The following ESYT2 variants were observed in gnomAD, a reference collection of about 807,000 sequenced individuals.
ESYT2 encodes extended synaptotagmin-2.
ESYT2 carries 54 observed loss-of-function variants against 107.2 expected under a neutral mutation model. The ratio of observed to expected loss-of-function variants is 0.50; its 90% CI spans 0.40 to 0.63. The LOEUF is 0.63. Among genes scored for constraint, ESYT2 ranks in the 30% least tolerant of loss-of-function variants. The pLI is 0.00. For synonymous variants in ESYT2, 491 were observed against 434.1 expected (o/e 1.13, Z -1.63); for missense variants, 1,020 against 1,094.5 (o/e 0.93, Z 0.96).
chr7:158,739,290 T>C (rs1162961026), intron 18 of ESYT2, among the ~76,000 whole-genome samples, 169 bp from the exon 19 acceptor site: 2 of 152,252 alleles, frequency 1.3e-5, no homozygotes, highest in Non-Finnish European at 2.9e-5. Flanking sequence ...GTCAAACAGA[T>C]GAATATTTTA....
chr7:158,746,782 C>T (rs1837415005), intron 16 of ESYT2, among the ~76,000 whole-genome samples: 1 of 152,148 alleles, frequency 6.6e-6, no homozygotes, highest in Non-Finnish European at 1.5e-5. Flanking sequence ...ACTGCAATCC[C>T]AGCACTTGGG....
rs115587051 is a variant in ESYT2, at chr7:158,808,328, G to A, written c.331-9256C>T. The stretch of plus-strand genomic sequence containing the variant: ...CACGAGCCCCGTCCGGCACGTTCGC[G>A]CCGAGCATGCTCCCGCCCACTCACC... On this transcript the variant is annotated intron_variant, in intron 1 of 22. Transcript: ENST00000275418. 4.1e-3 allele frequency among the ~76,000 whole-genome samples: 632 copies of A among 152,344 alleles called. 6 individuals are homozygous for A. Among genetic ancestry groups the A allele is most frequent in the African/African-American group, 0.014 (572 of 41,588 alleles).
intron 13 of ESYT2, among the ~76,000 whole-genome samples, chr7:158,753,465 T>C (rs1837649779): frequency 6.6e-6 from 1 of 152,166 alleles, no homozygotes; most frequent in Non-Finnish European, 1.5e-5. Context: ...TCCAATTCAT[T>C]AGTTTCTTGC....
intron 4 of ESYT2, among the ~76,000 whole-genome samples, chr7:158,789,213 A>G (rs1000462443): frequency 1.3e-5 from 2 of 152,204 alleles, no homozygotes; most frequent in African/African-American, 4.8e-5. Context: ...GTTTCTTCCA[A>G]TATTTATTGT....
chr7:158,822,357 C>G (rs1343884651), intron 1 of ESYT2, among the ~76,000 whole-genome samples: 1 of 152,182 alleles, frequency 6.6e-6, no homozygotes, highest in African/African-American at 2.4e-5. Flanking sequence ...TTTGGAATAA[C>G]TCACGGAAAA....
intron 4 of ESYT2, among the ~76,000 whole-genome samples, chr7:158,792,992 TCTC>T (rs1386460528): frequency 6.6e-6 from 1 of 151,986 alleles, no homozygotes; most frequent in Non-Finnish European, 1.5e-5. Context: ...ATGGTCCTGA[TCTC>T]CTGACCTCGT....
At chr7:158,771,884 C>G (rs112093215) in intron 7 of ESYT2, among the ~76,000 whole-genome samples, 2 of 152,020 alleles carry the variant, frequency 1.3e-5, no homozygotes, top group Non-Finnish European at 2.9e-5. Context: ...TTTGGGAGGC[C>G]GAGGCAGGCA....
chr7:158,798,386 A>G (rs1839533815), intron 2 of ESYT2, among the ~76,000 whole-genome samples: 1 of 152,076 alleles, frequency 6.6e-6, no homozygotes, highest in African/African-American at 2.4e-5. Flanking sequence ...ATAGTTCTTC[A>G]ATTGTAATCC....
At chr7:158,796,879 C>A (rs565558107) in intron 3 of ESYT2, among the ~76,000 whole-genome samples, 2 of 150,234 alleles carry the variant, frequency 1.3e-5, no homozygotes, top group Non-Finnish European at 3.0e-5. Flanking sequence ...GCACTGCAGG[C>A]GAGTGGGCAG....
At chr7:158,791,991 T>C (rs1839307365) in intron 4 of ESYT2, among the ~76,000 whole-genome samples, 1 of 133,132 alleles carries the variant, frequency 7.5e-6, no homozygotes, top group African/African-American at 3.0e-5. Flanking sequence ...TTCTCCTCCT[T>C]AGTTTATTCC....
intron 16 of ESYT2, among the ~76,000 whole-genome samples, chr7:158,747,033 CAG>C (rs1221868523): frequency 6.6e-6 from 1 of 150,778 alleles, no homozygotes; most frequent in African/African-American, 2.4e-5. Flanking sequence ...GCCTGGGTAA[CAG>C]AGTGAAACTC....
intron 6 of ESYT2, among the ~76,000 whole-genome samples, chr7:158,781,484 G>C (rs1459302484): frequency 6.7e-6 from 1 of 149,916 alleles, no homozygotes; most frequent in Non-Finnish European, 1.5e-5. Flanking sequence ...GTGTGAGTGT[G>C]AAACAAGTGA....
Position 158,811,535 on chromosome 7 carries a change from G to A in ESYT2, c.331-12463C>T, listed in dbSNP as rs1254692995. Among the ~76,000 whole-genome samples the A allele has an allele frequency of 3.9e-5, 6 of 152,118 alleles. No individual in the cohort carries two copies. In the East Asian group the frequency reaches 7.7e-4, roughly 20 times the overall value. ...GTGAGACCATAAAGATGAACCATGC[G>A]CGTTCACAGGAACACACAGGCGCAT... is the stretch of plus-strand genomic sequence containing the variant. On this transcript the variant is annotated intron_variant, in intron 1 of 22. Coordinates refer to ENST00000275418, the MANE Select transcript of ESYT2 (RefSeq NM_001367773.1).
intron 21 of ESYT2, among the ~76,000 whole-genome samples, chr7:158,734,948 T>TA (rs1464088461): frequency 6.6e-6 from 1 of 152,242 alleles, no homozygotes; most frequent in Non-Finnish European, 1.5e-5. Context: ...TGAGCACCTG[T>TA]AAGCTACATC....
In ESYT2 at chr7:158,749,775, G is replaced by A. The variant is rs768930692; in HGVS notation, c.1483-52C>T. Reference sequence around the variant, plus strand: ...AAAATAAATAAACACATTTTAAATGGGTCTTAACTAAAAATGAAATTACTG... The same window carrying A: ...AAAATAAATAAACACATTTTAAATGAGTCTTAACTAAAAATGAAATTACTG... On this transcript the variant is annotated intron_variant, in intron 14 of 22. Coordinates refer to ENST00000275418, the MANE Select transcript of ESYT2 (RefSeq NM_001367773.1). The A allele has an allele frequency of 1.0e-5, 16 of 1,528,656 alleles. No individual in the cohort carries two copies. The Admixed American group carries it at 2.6e-4, about 25-fold the overall frequency. 94.7% of individuals were successfully genotyped at this position (1,528,656 alleles called of 1,614,324 possible).
chr7:158,738,641 C>T (rs1284296265), intron 19 of ESYT2, among the ~76,000 whole-genome samples: 1 of 151,946 alleles, frequency 6.6e-6, no homozygotes, highest in African/African-American at 2.4e-5. Context: ...TTAGTAGAGA[C>T]AGGGTTTCTC....
chr7:158,764,237 C>T (rs891556841), intron 9 of ESYT2, among the ~76,000 whole-genome samples: 9 of 151,952 alleles, frequency 5.9e-5, no homozygotes, highest in African/African-American at 1.9e-4. Flanking sequence ...CAGATGAAGG[C>T]GTCTATTCGA....
At chr7:158,792,778 T>C (rs1839344008) in intron 4 of ESYT2, among the ~76,000 whole-genome samples, 1 of 144,286 alleles carries the variant, frequency 6.9e-6, no homozygotes, top group Non-Finnish European at 1.5e-5. Context: ...TTTTTTTTTT[T>C]TTTTTTTTGA....
At position 158,825,627 on chromosome 7, in the gene ESYT2, C is replaced by T. The variant is rs559691735; in HGVS notation, c.330+3462G>A. ...TCTCAAAGTATTAATACTCTTATCT[C>T]ATTTCCATATCCAGCTTCAGTTTTT... On this transcript the variant is annotated intron_variant, in intron 1 of 22. Coordinates refer to ENST00000275418, the MANE Select transcript of ESYT2 (RefSeq NM_001367773.1). 1.6e-4 allele frequency among the ~76,000 whole-genome samples: 24 copies of T among 152,372 alleles called. No homozygotes were observed. In the South Asian group the frequency reaches 4.6e-3, roughly 29 times the overall value.
Sources: gnomAD v4.1 joint callset for allele counts (sites outside exome capture counted in the v4.1 genomes callset) on GRCh38, gnomAD v4.1.1 for gene constraint, MANE v1.5 for transcripts, NCBI Gene and HGNC (gene_info 2026-07-23, HGNC 2026-07-21) for gene names.